Variants in SRPX observed in about 807,000 individuals in gnomAD.
The protein encoded by SRPX is sushi repeat-containing protein SRPX.
Under a neutral mutation model 38.1 loss-of-function variants are expected in SRPX, and 24 were observed. That is an observed-to-expected ratio of 0.63 (90% CI 0.46 to 0.89). The LOEUF is 0.89. Ranked by LOEUF, SRPX falls within the 40% of genes least tolerant of loss-of-function variation. The pLI is 0.00. For missense variants in SRPX, 416 were observed against 377.8 expected, an observed-to-expected ratio of 1.10 and a Z score of -0.84; for synonymous variants, 184 against 153.8, an observed-to-expected ratio of 1.20 and a Z score of -1.45.
chrX:38,169,659 T>C (rs1938431964), intron 4 of SRPX, among the ~76,000 whole-genome samples: 1 of 112,395 alleles, frequency 8.9e-6, no homozygotes, highest in Non-Finnish European at 1.9e-5. Flanking sequence ...ATTAAATGGA[T>C]ACTCTCTGAA....
rs1200640275 is a variant in SRPX, at chrX:38,220,816, TC to T, written c.-25del. 9 of 1,073,731 alleles carry T rather than the reference TC, an allele frequency of 8.4e-6. No individual in the cohort carries two copies. The highest frequency in any genetic ancestry group is 3.1e-4 in the Middle Eastern group (1 of 3,199). 88.5% of individuals were successfully genotyped at this position (1,073,731 alleles called of 1,213,427 possible). A position where few individuals can be genotyped will look rare whatever the true frequency, so the allele number is the denominator to read the frequency against. ...ATGGCGAGCGGGCGCTTAGCTCGCC[TC>T]GGCAGCGCAGCGCGCTTCCCGGGGG... On this transcript the variant is annotated 5_prime_UTR_variant, in exon 1 of 10. Transcript: ENST00000378533.
intron 1 of SRPX, among the ~76,000 whole-genome samples, chrX:38,187,764 A>G (rs1938814235): frequency 8.9e-6 from 1 of 112,345 alleles, no homozygotes; most frequent in African/African-American, 3.2e-5. Flanking sequence ...ACACAGGTAC[A>G]GTGGTAACCC....
At chrX:38,166,309 A>G (rs545797060) in intron 4 of SRPX, among the ~76,000 whole-genome samples, 9 of 112,253 alleles carry the variant, frequency 8.0e-5, no homozygotes, top group African/African-American at 2.9e-4. Flanking sequence ...TTTTGCCTTC[A>G]GCTATCCAAA....
At chrX:38,150,815 C>T (rs907750910) in intron 9 of SRPX, among the ~76,000 whole-genome samples, 4 of 112,096 alleles carry the variant, frequency 3.6e-5, no homozygotes, top group Non-Finnish European at 5.6e-5. Flanking sequence ...CTCTACCACA[C>T]TAGAATTTAA....
chrX:38,202,660 CA>C (rs1356513709), intron 1 of SRPX, among the ~76,000 whole-genome samples: 4 of 111,543 alleles, frequency 3.6e-5, no homozygotes, highest in Admixed American at 1.9e-4. Context: ...AACAAATTAC[CA>C]ATATTAGGAA....
intron 4 of SRPX, among the ~76,000 whole-genome samples, chrX:38,170,802 C>G (rs1938452223): frequency 8.9e-6 from 1 of 112,167 alleles, no homozygotes; most frequent in Admixed American, 9.5e-5. Context: ...TCTGCCAAAG[C>G]TTGCTTAGCA....
chrX:38,193,396 T>C (rs1460445715), intron 1 of SRPX, among the ~76,000 whole-genome samples: 3 of 111,942 alleles, frequency 2.7e-5, no homozygotes, highest in Non-Finnish European at 5.6e-5. Context: ...GGGTATGGGA[T>C]CTTCATCATT....
At position 38,179,765 on chromosome X, in the gene SRPX, C is replaced by G. The variant is rs761291300; in HGVS notation, c.98-1421G>C. ...GATTTCCTCACCTTGTCTCTGCACA[C>G]CCAGATGTGTACAAAATTACAAACT... is the stretch of plus-strand genomic sequence containing the variant. On this transcript the variant is annotated intron_variant, in intron 1 of 9. Transcript: ENST00000378533. Among the ~76,000 whole-genome samples, 33 of 111,592 alleles carry G rather than the reference C, an allele frequency of 3.0e-4. No individual in the cohort carries two copies. In the Middle Eastern group the frequency reaches 0.014, roughly 47 times the overall value.
intron 1 of SRPX, among the ~76,000 whole-genome samples, chrX:38,201,732 T>C (rs950794544): frequency 9.4e-6 from 1 of 106,490 alleles, no homozygotes; most frequent in Non-Finnish European, 1.9e-5. Context: ...GGCAGGAGAA[T>C]GGTGTGAACC....
chrX:38,208,215 T>C (rs1248461755), intron 1 of SRPX, among the ~76,000 whole-genome samples: 7 of 111,805 alleles, frequency 6.3e-5, no homozygotes, highest in African/African-American at 2.3e-4. Flanking sequence ...ATCTTAAGTG[T>C]ATACAGCTCA....
intron 1 of SRPX, among the ~76,000 whole-genome samples, chrX:38,212,491 G>A (rs1427507195): frequency 2.7e-5 from 3 of 111,801 alleles, no homozygotes; most frequent in Non-Finnish European, 1.9e-5. Flanking sequence ...ATTTCATCAT[G>A]TAGAAGAATC....
At chrX:38,196,316 C>G (rs1158658947) in intron 1 of SRPX, among the ~76,000 whole-genome samples, 1 of 112,391 alleles carries the variant, frequency 8.9e-6, no homozygotes. Context: ...TTACTTTTCA[C>G]TTTTTTGAAT....
intron 1 of SRPX, among the ~76,000 whole-genome samples, chrX:38,184,387 TA>T (rs1284666279): frequency 8.9e-6 from 1 of 112,059 alleles, no homozygotes; most frequent in East Asian, 2.8e-4. Context: ...ATTCTAGACA[TA>T]ATTTTAATAT....
chrX:38,169,274 A>T (rs1938422260), intron 4 of SRPX, among the ~76,000 whole-genome samples: 1 of 112,070 alleles, frequency 8.9e-6, no homozygotes, highest in African/African-American at 3.2e-5. Flanking sequence ...GGATACATTC[A>T]TTCTTAGCCC....
chrX:38,186,192 G>A (rs1186686771), intron 1 of SRPX, among the ~76,000 whole-genome samples: 6 of 111,486 alleles, frequency 5.4e-5, no homozygotes, highest in Non-Finnish European at 1.1e-4. Context: ...CTCATTCCGG[G>A]TCAAGTTAGC....
chrX:38,200,755 C>T (rs1463822249), intron 1 of SRPX, among the ~76,000 whole-genome samples: 2 of 111,699 alleles, frequency 1.8e-5, no homozygotes, highest in Non-Finnish European at 3.8e-5. Flanking sequence ...CCCTAATGGC[C>T]CAATCACCTC....
intron 5 of SRPX, among the ~76,000 whole-genome samples, chrX:38,164,556 G>A (rs767715797): frequency 8.9e-6 from 1 of 112,549 alleles, no homozygotes; most frequent in Non-Finnish European, 1.9e-5. Flanking sequence ...GCCAGGCACA[G>A]TTCTGGGCAT....
chrX:38,212,549 G>T (rs1939348265), intron 1 of SRPX, among the ~76,000 whole-genome samples: 1 of 111,526 alleles, frequency 9.0e-6, no homozygotes, highest in African/African-American at 3.3e-5. Context: ...GTAGGTCTTG[G>T]GTTTGGGCCT....
chrX:38,202,923 A>C (rs954701662), intron 1 of SRPX, among the ~76,000 whole-genome samples: 1 of 112,494 alleles, frequency 8.9e-6, no homozygotes, highest in East Asian at 2.8e-4. Flanking sequence ...AACTCATTTT[A>C]CAAGGCTAGC....
Sources: allele counts gnomAD v4.1 joint callset (sites outside exome capture counted in the v4.1 genomes callset), GRCh38; gene constraint gnomAD v4.1.1; transcripts MANE v1.5; gene names NCBI Gene and HGNC (gene_info 2026-07-23, HGNC 2026-07-21).